The following FBXO36 variants were observed in gnomAD, a reference collection of about 807,000 sequenced individuals.
FBXO36 encodes F-box only protein 36.
FBXO36 carries 18 observed loss-of-function variants against 17.0 expected under a neutral mutation model. The ratio of observed to expected loss-of-function variants is 1.06; its 90% CI spans 0.73 to 1.57. The LOEUF (loss-of-function observed/expected upper bound fraction) is 1.57. Ranked by LOEUF, FBXO36 falls within the 40% of genes most tolerant of loss-of-function variation. The pLI, the probability that FBXO36 is intolerant of heterozygous loss-of-function variation, is 0.00. For synonymous variants in FBXO36, 83 were observed against 85.3 expected (o/e 0.97, Z 0.15); for missense variants, 229 against 221.9 (o/e 1.03, Z -0.20).
At chr2:229,969,782 GA>G (rs2077172297) in intron 1 of FBXO36, among the ~76,000 whole-genome samples, 1 of 152,184 alleles carries the variant, frequency 6.6e-6, no homozygotes, top group Non-Finnish European at 1.5e-5. Context: ...AGATGGAACA[GA>G]ATAGCAGAAA....
intron 1 of FBXO36, among the ~76,000 whole-genome samples, chr2:229,971,913 A>G (rs2077182143): frequency 1.3e-5 from 2 of 151,162 alleles, no homozygotes; most frequent in South Asian, 2.1e-4. Context: ...CCTGGGCCCA[A>G]GTGATCCTCC....
At chr2:229,938,825 T>C (rs1040712895) in intron 1 of FBXO36, among the ~76,000 whole-genome samples, 1 of 143,398 alleles carries the variant, frequency 7.0e-6, no homozygotes, top group African/African-American at 2.6e-5. Context: ...AGTGGCGCCA[T>C]CTCGGCTCAC....
At chr2:229,996,278 AAAT>A (rs2077326912) in intron 2 of FBXO36, among the ~76,000 whole-genome samples, 1 of 152,086 alleles carries the variant, frequency 6.6e-6, no homozygotes. Flanking sequence ...AAAAAAAAAA[AAAT>A]AAGTTAAATA....
chr2:229,945,764 T>C (rs1278655426), intron 1 of FBXO36, among the ~76,000 whole-genome samples: 1 of 151,962 alleles, frequency 6.6e-6, no homozygotes, highest in East Asian at 1.9e-4. Context: ...GGCTCATGCC[T>C]GTAATCCCAG....
At chr2:229,997,577 C>CAAA (rs34921072) in intron 3 of FBXO36, among the ~76,000 whole-genome samples, 1 of 94,482 alleles carries the variant, frequency 1.1e-5, no homozygotes, top group African/African-American at 3.7e-5. Context: ...GACTCTGACT[C>CAAA]AAAAAAAAAA....
intron 3 of FBXO36, among the ~76,000 whole-genome samples, chr2:230,010,218 G>A (rs373664266): frequency 2.0e-4 from 30 of 150,688 alleles, no homozygotes; most frequent in East Asian, 1.6e-3. Flanking sequence ...CCGAGATTGC[G>A]CCATTGCACT....
chr2:230,003,314 A>G, intron 3 of FBXO36, among the ~76,000 whole-genome samples: 1 of 151,898 alleles, frequency 6.6e-6, no homozygotes, highest in East Asian at 1.9e-4. Context: ...GAAAGTCAGC[A>G]GCAACCTTAT....
At chr2:229,991,094 C>T (rs1002146202) in intron 2 of FBXO36, among the ~76,000 whole-genome samples, 6 of 152,016 alleles carry the variant, frequency 3.9e-5, no homozygotes, top group African/African-American at 1.4e-4. Flanking sequence ...CACCACCATG[C>T]CTAGCTAATT....
chr2:229,942,093 T>C (rs1403760763), intron 1 of FBXO36, among the ~76,000 whole-genome samples: 1 of 152,156 alleles, frequency 6.6e-6, no homozygotes, highest in Non-Finnish European at 1.5e-5. Context: ...GGCAGCTAAG[T>C]GTGACCTTGA....
chr2:229,955,521 A>T (rs544786352), intron 1 of FBXO36, among the ~76,000 whole-genome samples: 38 of 152,032 alleles, frequency 2.5e-4, no homozygotes, highest in Non-Finnish European at 5.3e-4. Context: ...GTCTCAGAAA[A>T]AAAAAAAAGA....
intron 1 of FBXO36, among the ~76,000 whole-genome samples, chr2:229,947,970 C>G (rs1004226503): frequency 6.6e-6 from 1 of 152,086 alleles, no homozygotes; most frequent in African/African-American, 2.4e-5. Context: ...ATTACCTAGA[C>G]AGAGGAGGGA....
chr2:229,995,583 TCTTTCTTTCTTTC>T (rs2077321576), intron 2 of FBXO36, among the ~76,000 whole-genome samples: 1 of 104,654 alleles, frequency 9.6e-6, no homozygotes, highest in Non-Finnish European at 2.2e-5. Context: ...TCTTTCTTTC[TCTTTCTTTCTTTC>T]TTTTTTTTTT....
chr2:229,974,239 A>G (rs1052156577), intron 1 of FBXO36, among the ~76,000 whole-genome samples: 6 of 152,086 alleles, frequency 3.9e-5, no homozygotes, highest in African/African-American at 1.4e-4. Context: ...CTCCAAAGGA[A>G]CTCTGTGTTT....
chr2:229,998,855 T>G (rs1461119879), intron 3 of FBXO36, among the ~76,000 whole-genome samples: 2 of 149,992 alleles, frequency 1.3e-5, no homozygotes, highest in African/African-American at 4.9e-5. Context: ...CAGGCTGAAG[T>G]GCAGTGGCGC....
chr2:229,934,765 G>A (rs552761253), intron 1 of FBXO36, among the ~76,000 whole-genome samples: 1 of 152,044 alleles, frequency 6.6e-6, no homozygotes, highest in East Asian at 1.9e-4. Context: ...AATGATTCTC[G>A]TGCCTCAGTC....
chr2:229,925,952 A>G (rs1384778741), intron 1 of FBXO36, among the ~76,000 whole-genome samples: 1 of 151,906 alleles, frequency 6.6e-6, no homozygotes. Context: ...TATAATGATG[A>G]TCTCCAGCTT....
chr2:229,932,836 G>A (rs1019303920), intron 1 of FBXO36: 7 of 281,162 alleles, frequency 2.5e-5, no homozygotes, highest in South Asian at 5.8e-5. Context: ...TTGGGAGGCC[G>A]AGCCAGGTGG....
At chr2:230,000,236 T>C (rs2077350951) in intron 3 of FBXO36, among the ~76,000 whole-genome samples, 1 of 151,414 alleles carries the variant, frequency 6.6e-6, no homozygotes, top group African/African-American at 2.4e-5. Flanking sequence ...CACAGGCCTG[T>C]AATCCCAGGT....
At chr2:229,936,684 CAA>C (rs1183077822) in intron 1 of FBXO36, among the ~76,000 whole-genome samples, 1 of 151,784 alleles carries the variant, frequency 6.6e-6, no homozygotes, top group African/African-American at 2.4e-5. Context: ...ACCTGGGCAA[CAA>C]AGAGAGACCT....
Sources: allele counts gnomAD v4.1 joint callset (sites outside exome capture counted in the v4.1 genomes callset), GRCh38; gene constraint gnomAD v4.1.1; transcripts MANE v1.5; gene names NCBI Gene and HGNC (gene_info 2026-07-23, HGNC 2026-07-21).